RPL30: variants seen among roughly 807,000 people sequenced by gnomAD.
RPL30 encodes the protein ribosomal protein L30.
For missense variants in RPL30, 60 were observed against 138.0 expected (o/e 0.43, Z 2.83); for synonymous variants, 40 against 50.4 (o/e 0.79, Z 0.87).
At chr8:98,045,214 C>G (rs1226204975) in intron 2 of RPL30, 126 bp from the exon 3 acceptor site, 2 of 1,533,780 alleles carry the variant, frequency 1.3e-6, no homozygotes, top group East Asian at 2.3e-5. Context: ...ATTGAGAGGG[C>G]CACTGGGATT....
At chr8:98,044,920 G>C in intron 3 of RPL30, 23 bp downstream of exon 3, 1 of 1,608,560 alleles carries the variant, frequency 6.2e-7, no homozygotes, top group Non-Finnish European at 8.5e-7. Flanking sequence ...GGTAGGCGAA[G>C]CCCGTTCAGT....
In RPL30 at chr8:98,045,509, A is replaced by C; in HGVS notation, c.-34T>G. On this transcript the variant is annotated splice_region_variant and 5_prime_UTR_variant, in exon 1 of 5. Transcript: ENST00000287038. Reference sequence around the variant, plus strand: ...CTCGGTCGGTAGGAGCCCACTCACCAACAGCAGCCGCTAAGATGGCCGGGG... The same window carrying C: ...CTCGGTCGGTAGGAGCCCACTCACCCACAGCAGCCGCTAAGATGGCCGGGG... The C allele has an allele frequency of 1.3e-6, 1 of 793,534 alleles. No homozygotes were observed. The highest frequency in any genetic ancestry group is 1.5e-5 in the South Asian group (1 of 66,440). 49.2% of individuals were successfully genotyped at this position (793,534 alleles called of 1,614,324 possible). A position where few individuals can be genotyped will look rare whatever the true frequency, so the allele number is the denominator to read the frequency against.
intron 3 of RPL30, 42 bp downstream of exon 3, chr8:98,044,901 T>C: frequency 6.3e-7 from 1 of 1,599,994 alleles, no homozygotes; most frequent in East Asian, 2.2e-5. Flanking sequence ...TCGTTCACGA[T>C]GAATTCGCGG....
intron 4 of RPL30, 47 bp downstream of exon 4, chr8:98,042,598 A>T: frequency 6.7e-7 from 1 of 1,500,766 alleles, no homozygotes; most frequent in South Asian, 1.2e-5. Flanking sequence ...CAGACATTAC[A>T]TTAGAAAGGC....
chr8:98,044,716 C>T, intron 3 of RPL30: 1 of 516,862 alleles, frequency 1.9e-6, no homozygotes, highest in Non-Finnish European at 3.4e-6. Context: ...GTTTTCACTC[C>T]TGCCACACAC....
rs184494928 is a variant in RPL30 at position 98,042,809 on chromosome 8, C to T, written c.168-34G>A. 4.8e-4 allele frequency: 732 copies of T among 1,531,070 alleles called. 8 individuals are homozygous for T. In the East Asian group the frequency reaches 0.014, roughly 29 times the overall value. 94.8% of individuals were successfully genotyped at this position (1,531,070 alleles called of 1,614,324 possible). Reference sequence around the variant, plus strand: ...ACCAAAATGGGCAAATAAATAAATGCGATACCAAGTGACTGACAGACTAAA... The same window carrying T: ...ACCAAAATGGGCAAATAAATAAATGTGATACCAAGTGACTGACAGACTAAA... On this transcript the variant is annotated intron_variant, in intron 3 of 4. Transcript: ENST00000287038.
chr8:98,043,127 T>C (rs923620390), intron 3 of RPL30: 5 of 159,188 alleles, frequency 3.1e-5, no homozygotes, highest in African/African-American at 4.8e-5. Context: ...AAGTAGGTAT[T>C]ATGTACTTTT....
chr8:98,042,872 G>A, intron 3 of RPL30, 97 bp from the exon 4 acceptor site: 2 of 1,215,962 alleles, frequency 1.6e-6, no homozygotes, highest in Non-Finnish European at 2.3e-6. Context: ...TGTTGTTAAG[G>A]CCTTCAAAAA....
rs761322528 is a variant in RPL30 at position 98,042,657 on chromosome 8, T to C, written c.286A>G (p.Ile96Val). The C allele has an allele frequency of 1.9e-6, 3 of 1,608,172 alleles. No individual in the cohort carries two copies. The highest frequency in any genetic ancestry group is 2.5e-6 in the Non-Finnish European group (3 of 1,177,140). The change falls in exon 4 of 5, where the codon ATC becomes GTC. Residue 96 changes from isoleucine to valine, a missense_variant. By Grantham distance (29) the Ile-to-Val change is conservative. Transcript: ENST00000287038. ...GKYYRVCTLA[I>V]IDPGDSDIIR... Reference sequence around the variant, plus strand: ...TTAAAAAGCATACCTGGATCAATGATAGCCAGTGTGCACACTCTGTAGTAT... The same window carrying C: ...TTAAAAAGCATACCTGGATCAATGACAGCCAGTGTGCACACTCTGTAGTAT...
intron 3 of RPL30, chr8:98,044,387 TCA>T (rs1180732866): frequency 6.6e-6 from 1 of 152,496 alleles, no homozygotes; most frequent in Non-Finnish European, 1.5e-5. Flanking sequence ...GAAAATTTGC[TCA>T]CATAGCTTAT....
At chr8:98,044,837 C>G in intron 3 of RPL30, 106 bp downstream of exon 3, 1 of 1,247,736 alleles carries the variant, frequency 8.0e-7, no homozygotes, top group Non-Finnish European at 1.1e-6. Flanking sequence ...CGTAATTATC[C>G]TGCAAGTGTT....
chr8:98,044,339 C>T (rs1349595509), intron 3 of RPL30: 7 of 152,300 alleles, frequency 4.6e-5, no homozygotes, highest in Admixed American at 3.9e-4. Flanking sequence ...TACAGACACC[C>T]TATATAAAAT....
In RPL30 at chr8:98,042,306, C is replaced by T. The variant is rs1408365176; in HGVS notation, c.298+339G>A. On this transcript the variant is annotated intron_variant, in intron 4 of 4. Coordinates refer to ENST00000287038, the MANE Select transcript of RPL30 (RefSeq NM_000989.4). ...TTTTTCTCAAGCTAATTTTACATGTCTGTTCTCAAGAAGCAAGAATTACTT... is the reference window on the plus strand; with the variant it reads ...TTTTTCTCAAGCTAATTTTACATGTTTGTTCTCAAGAAGCAAGAATTACTT... The T allele has an allele frequency of 1.9e-5, 9 of 467,502 alleles. No individual in the cohort carries two copies. The East Asian group carries it at 2.8e-4, about 15-fold the overall frequency. The allele number at this position is 467,502 out of a possible 1,614,324, so 29.0% of individuals were successfully genotyped here. A position where few individuals can be genotyped will look rare whatever the true frequency, so the allele number is the denominator to read the frequency against.
At chr8:98,042,272 G>T in intron 4 of RPL30, 1 of 498,062 alleles carries the variant, frequency 2.0e-6, no homozygotes. Context: ...AGATTTTTTG[G>T]CACTTTTTTT....
intron 3 of RPL30, chr8:98,043,327 T>G (rs1313400454): frequency 6.6e-6 from 1 of 151,844 alleles, no homozygotes; most frequent in Admixed American, 6.6e-5. Flanking sequence ...GGTTTCACCA[T>G]GTTGGCCAGG....
intron 3 of RPL30, chr8:98,044,539 C>G (rs528808311): frequency 5.6e-6 from 1 of 177,184 alleles, no homozygotes; most frequent in East Asian, 1.8e-4. Flanking sequence ...CCTGCAACTC[C>G]ATAGCCCAGC....
chr8:98,042,639 G>C lies in RPL30; in HGVS notation c.298+6C>G. 6.4e-7 allele frequency: 1 copy of C among 1,565,848 alleles called. No individual in the cohort carries two copies. The highest frequency in any genetic ancestry group is 8.7e-7 in the Non-Finnish European group (1 of 1,147,164). The stretch of plus-strand genomic sequence containing the variant: ...AAAAAAAGACTTTATGATTTAAAAA[G>C]CATACCTGGATCAATGATAGCCAGT... On this transcript the variant is annotated splice_donor_region_variant and intron_variant, in intron 4 of 4. Transcript: ENST00000287038.
intron 3 of RPL30, 32 bp from the exon 4 acceptor site, chr8:98,042,807 T>C: frequency 4.5e-6 from 7 of 1,540,178 alleles, no homozygotes; most frequent in Non-Finnish European, 6.1e-6. Flanking sequence ...AATAAATAAA[T>C]GCGATACCAA....
At position 98,045,398 on chromosome 8, in the gene RPL30, A is replaced by G. The variant is rs1814458097; in HGVS notation, c.-31T>C. On this transcript the variant is annotated splice_region_variant and 5_prime_UTR_variant, in exon 2 of 5. Coordinates refer to ENST00000287038, the MANE Select transcript of RPL30 (RefSeq NM_000989.4). Reference sequence around the variant, plus strand: ...TGCCTTAGGAGCGGGACGGCCCCCAACCTAGAAGAGACAGAGAACAGGACA... The same window carrying G: ...TGCCTTAGGAGCGGGACGGCCCCCAGCCTAGAAGAGACAGAGAACAGGACA... 1 of 1,613,982 alleles carries G rather than the reference A, an allele frequency of 6.2e-7. No homozygotes were observed. The highest frequency in any genetic ancestry group is 8.5e-7 in the Non-Finnish European group (1 of 1,179,888).
Sources: allele counts gnomAD v4.1 joint callset, GRCh38; gene constraint gnomAD v4.1.1; transcripts MANE v1.5; gene names NCBI Gene and HGNC (gene_info 2026-07-23, HGNC 2026-07-21).